NAV2: variants seen among roughly 807,000 people sequenced by gnomAD.
NAV2 encodes the protein helicase, APC down-regulated 1.
NAV2 carries 54 observed loss-of-function variants against 223.2 expected under a neutral mutation model. The ratio of observed to expected loss-of-function variants is 0.24; its 90% CI spans 0.19 to 0.30. NAV2 has a LOEUF of 0.30. Among genes scored for constraint, NAV2 ranks in the 10% least tolerant of loss-of-function variants. The probability of loss-of-function intolerance (pLI) is 1.00; values close to 1 mark genes in which losing one functional copy is unlikely to be tolerated. For missense variants in NAV2, 2,806 were observed against 3,147.5 expected (o/e 0.89, Z 2.60); for synonymous variants, 1,279 against 1,239.3 (o/e 1.03, Z -0.67).
intron 1 of NAV2, among the ~76,000 whole-genome samples, chr11:19,410,506 C>T (rs185288081): frequency 1.7e-3 from 257 of 152,322 alleles, no homozygotes; most frequent in Non-Finnish European, 2.4e-3. Flanking sequence ...GTCACGCAGT[C>T]ATTATCTGGC....
chr11:19,948,121 C>G (rs1265403554), intron 9 of NAV2, among the ~76,000 whole-genome samples: 1 of 151,740 alleles, frequency 6.6e-6, no homozygotes, highest in Non-Finnish European at 1.5e-5. Flanking sequence ...GTCTCACTCT[C>G]TGTCGGCAGG....
rs910921694 is a variant in NAV2 at position 19,925,950 on chromosome 11, GAT to G, written c.932-7224_932-7223del. On this transcript the variant is annotated intron_variant, in intron 6 of 37. Coordinates refer to ENST00000349880, the MANE Select transcript of NAV2 (RefSeq NM_145117.5). ...CACTGGTCTATATGTCTGTCTTTAT[GAT>G]AGTACCACACTTTTAAAAAATTACT... is the stretch of plus-strand genomic sequence containing the variant. Among the ~76,000 whole-genome samples, 34 of 152,202 alleles carry G rather than the reference GAT, an allele frequency of 2.2e-4. 1 individual carries two copies. Among genetic ancestry groups the G allele is most frequent in the African/African-American group, 7.7e-4 (32 of 41,536 alleles).
intron 1 of NAV2, among the ~76,000 whole-genome samples, chr11:19,684,822 C>T (rs1258906656): frequency 6.6e-6 from 1 of 152,220 alleles, no homozygotes; most frequent in Non-Finnish European, 1.5e-5. Flanking sequence ...ACCCATCCTT[C>T]AAGAGTGCTC....
At chr11:19,591,404 CT>C (rs1019339027) in intron 1 of NAV2, 2 of 152,206 alleles carry the variant, frequency 1.3e-5, no homozygotes, top group African/African-American at 4.8e-5. Context: ...TGTCATTGCC[CT>C]TTGTGCAGTG....
chr11:19,348,765 C>G (rs1489293523), upstream of NAV2, among the ~76,000 whole-genome samples: 1 of 152,170 alleles, frequency 6.6e-6, no homozygotes, highest in Admixed American at 6.5e-5. Context: ...GTATCATTCT[C>G]CTCACTTTAT....
intron 17 of NAV2, among the ~76,000 whole-genome samples, chr11:20,052,804 C>T (rs958899798): frequency 6.6e-6 from 1 of 152,136 alleles, no homozygotes; most frequent in Non-Finnish European, 1.5e-5. Flanking sequence ...CATGAACATC[C>T]AGTACGAACA....
intron 11 of NAV2, among the ~76,000 whole-genome samples, chr11:20,034,198 A>T (rs72906445): frequency 7.3e-5 from 11 of 151,068 alleles, no homozygotes; most frequent in African/African-American, 2.7e-4. Flanking sequence ...CAGGGTATCT[A>T]TTTTTTTCTA....
intron 6 of NAV2, among the ~76,000 whole-genome samples, chr11:19,908,063 T>C (rs937233387): frequency 2.0e-5 from 3 of 152,218 alleles, no homozygotes; most frequent in Admixed American, 2.0e-4. Flanking sequence ...TTAGCACTTA[T>C]GATCTTGGCA....
chr11:20,019,487 A>G (rs2054305807), intron 11 of NAV2, among the ~76,000 whole-genome samples: 1 of 152,146 alleles, frequency 6.6e-6, no homozygotes, highest in South Asian at 2.1e-4. Context: ...GCCAGGCTAG[A>G]GATTACAGAC....
At chr11:19,841,304 A>G (rs2060498927) in intron 2 of NAV2, among the ~76,000 whole-genome samples, 1 of 152,220 alleles carries the variant, frequency 6.6e-6, no homozygotes, top group Admixed American at 6.5e-5. Context: ...CTTGTCTCTC[A>G]AGATAGAAAC....
chr11:19,492,854 C>T (rs987481548), intron 1 of NAV2, among the ~76,000 whole-genome samples: 1 of 152,064 alleles, frequency 6.6e-6, no homozygotes, highest in African/African-American at 2.4e-5. Context: ...ATATTTTCAC[C>T]GAGGGAGGAG....
intron 4 of NAV2, among the ~76,000 whole-genome samples, chr11:19,875,766 T>C (rs1321632875): frequency 6.6e-6 from 1 of 152,194 alleles, no homozygotes; most frequent in East Asian, 1.9e-4. Context: ...TCAGTAAAAC[T>C]GTTTTTAAAA....
At chr11:19,680,776 G>A (rs1333054550) in intron 1 of NAV2, among the ~76,000 whole-genome samples, 1 of 152,188 alleles carries the variant, frequency 6.6e-6, no homozygotes, top group African/African-American at 2.4e-5. Flanking sequence ...TTCCAGAAGT[G>A]GTAATTATTA....
In NAV2 at chr11:19,499,481, C is replaced by G. The variant is rs558398494; in HGVS notation, c.75+148454C>G. Among the ~76,000 whole-genome samples the G allele has an allele frequency of 2.0e-5, 3 of 152,304 alleles. No homozygotes were observed. The East Asian group carries it at 5.8e-4, about 29-fold the overall frequency. On this transcript the variant is annotated intron_variant, in intron 1 of 37. Coordinates refer to the NAV2 transcript ENST00000360655. Reference sequence around the variant, plus strand: ...TGAGTCGTTTCTAAGGAGAGGTGAGCAGTGCCTGGCACAGGCACTTAAGTA... The same window carrying G: ...TGAGTCGTTTCTAAGGAGAGGTGAGGAGTGCCTGGCACAGGCACTTAAGTA...
intron 1 of NAV2, among the ~76,000 whole-genome samples, chr11:19,715,367 G>A (rs139853943): frequency 6.9e-4 from 105 of 152,274 alleles, no homozygotes; most frequent in African/African-American, 2.4e-3. Flanking sequence ...CTGTTGTTAC[G>A]TACAGGATTT....
At chr11:19,814,336 C>T (rs1205805641) in intron 1 of NAV2, among the ~76,000 whole-genome samples, 1 of 152,076 alleles carries the variant, frequency 6.6e-6, no homozygotes, top group African/African-American at 2.4e-5. Context: ...GAAGCAATTT[C>T]CTGTTCAGTG....
intron 1 of NAV2, among the ~76,000 whole-genome samples, chr11:19,778,998 C>T (rs1419983850): frequency 6.6e-6 from 1 of 152,082 alleles, no homozygotes; most frequent in Non-Finnish European, 1.5e-5. Context: ...GTGGAGCCTC[C>T]CAGGGGATGG....
At chr11:19,776,541 A>G (rs1354040790) in intron 1 of NAV2, among the ~76,000 whole-genome samples, 1 of 150,562 alleles carries the variant, frequency 6.6e-6, no homozygotes, top group Non-Finnish European at 1.5e-5. Flanking sequence ...CAGGAAATAA[A>G]TATTGCTGGG....
chr11:19,953,101 A>T (rs1159018801), intron 10 of NAV2, among the ~76,000 whole-genome samples: 1 of 152,200 alleles, frequency 6.6e-6, no homozygotes, highest in African/African-American at 2.4e-5. Context: ...AATAAAATTA[A>T]AGGGGCAGAC....
Sources: gnomAD v4.1 joint callset for allele counts (sites outside exome capture counted in the v4.1 genomes callset) on GRCh38, gnomAD v4.1.1 for gene constraint, MANE v1.5 for transcripts, NCBI Gene and HGNC (gene_info 2026-07-23, HGNC 2026-07-21) for gene names.